Variants in AANAT observed in about 807,000 individuals in gnomAD.
The protein encoded by AANAT is serotonin N-acetyltransferase.
AANAT carries 11 observed loss-of-function variants against 15.6 expected under a neutral mutation model. That is an observed-to-expected ratio of 0.71 (90% CI 0.44 to 1.17). The LOEUF is 1.17. Among genes scored for constraint, AANAT ranks in the 50% most tolerant of loss-of-function variants. The probability of loss-of-function intolerance (pLI) is 0.00; values close to 1 mark genes in which losing one functional copy is unlikely to be tolerated. For missense variants in AANAT, 286 were observed against 296.3 expected, an observed-to-expected ratio of 0.97 and a Z score of 0.26; for synonymous variants, 139 against 131.5, an observed-to-expected ratio of 1.06 and a Z score of -0.39.
In AANAT at chr17:76,468,780, G is replaced by A; in HGVS notation, c.34G>A (p.Glu12Lys). 1 of 1,613,348 alleles carries A rather than the reference G, an allele frequency of 6.2e-7. No individual in the cohort carries two copies. Among genetic ancestry groups the A allele is most frequent in the Non-Finnish European group, 8.5e-7 (1 of 1,179,860 alleles). ...GCAGAGCACCCACCCCCTGAAACCT[G>A]AGGCCCCACGTCTGCCACCTGGGAT... The part of the protein sequence containing the change: ...STQSTHPLKP[E>K]APRLPPGIPE... The change falls in exon 2 of 4, where the codon GAG becomes AAG. Residue 12 changes from glutamate to lysine, a missense_variant. Coordinates refer to ENST00000392492, the MANE Select transcript of AANAT (RefSeq NM_001088.3).
chr17:76,466,151 G>T, upstream of AANAT: 1 of 1,535,874 alleles, frequency 6.5e-7, no homozygotes, highest in South Asian at 1.2e-5. Context: ...TGACTGATTA[G>T]GATTGGCCAC....
exon 3 of AANAT, chr17:76,462,380 C>G (rs534317001): frequency 6.6e-6 from 1 of 152,338 alleles, no homozygotes; most frequent in South Asian, 2.1e-4. Flanking sequence ...AGGGCTCTTA[C>G]CCGCAGTGGG....
upstream of AANAT, among the ~76,000 whole-genome samples, chr17:76,467,022 G>A (rs935986064): frequency 6.6e-6 from 1 of 152,084 alleles, no homozygotes; most frequent in Admixed American, 6.5e-5. Context: ...TGCAGGATGG[G>A]GTGTGAGCTG....
At chr17:76,460,500 A>C (rs1193605984) in intron 2 of AANAT, among the ~76,000 whole-genome samples, 1 of 151,670 alleles carries the variant, frequency 6.6e-6, no homozygotes, top group African/African-American at 2.4e-5. Context: ...AGGTCTCACT[A>C]TATTGGCCGG....
At chr17:76,459,074 A>G (rs1598635878) in intron 1 of AANAT, among the ~76,000 whole-genome samples, 1 of 152,356 alleles carries the variant, frequency 6.6e-6, no homozygotes, top group East Asian at 1.9e-4. Context: ...ACTCTGCAGT[A>G]CAGTCAGGAT....
chr17:76,468,940 G>C, intron 2 of AANAT, 31 bp downstream of exon 2: 1 of 1,597,094 alleles, frequency 6.3e-7, no homozygotes, highest in Non-Finnish European at 8.6e-7. Flanking sequence ...TCAGAGGGAT[G>C]CTCCACTCTG....
At chr17:76,458,785 T>C (rs2073361451) in intron 1 of AANAT, among the ~76,000 whole-genome samples, 1 of 152,188 alleles carries the variant, frequency 6.6e-6, no homozygotes, top group African/African-American at 2.4e-5. Flanking sequence ...GTGCAAGCGA[T>C]TTCAGCCTGG....
exon 1 of AANAT, chr17:76,453,460 T>G (rs1598633049): frequency 9.6e-5 from 20 of 208,808 alleles, no homozygotes; most frequent in Middle Eastern, 1.5e-3. Context: ...AAGAGGGGAG[T>G]GGTCGGGGTG....
chr17:76,467,463 G>C (rs2143976853), upstream of AANAT: 1 of 855,112 alleles, frequency 1.2e-6, no homozygotes, highest in East Asian at 1.2e-4. Context: ...TCTGTGCCCA[G>C]GGCACCAGAG....
Position 76,469,057 on chromosome 17 carries a change from C to T in AANAT, c.164-116C>T. 6.6e-7 allele frequency: 1 copy of T among 1,519,222 alleles called. No homozygotes were observed. The highest frequency in any genetic ancestry group is 1.2e-5 in the South Asian group (1 of 81,728). 94.1% of individuals were successfully genotyped at this position (1,519,222 alleles called of 1,614,324 possible). On this transcript the variant is annotated intron_variant, in intron 2 of 3. Coordinates refer to ENST00000392492, the MANE Select transcript of AANAT (RefSeq NM_001088.3). The surrounding 1 kb of genome is among the most constrained non-coding windows in gnomAD (Gnocchi z 5.2). ...TCAAGAAAGTGGGGGAAACAGCAGCCCTAACCCCCATTTTCCTGTGGGGAA... is the reference window on the plus strand; with the variant it reads ...TCAAGAAAGTGGGGGAAACAGCAGCTCTAACCCCCATTTTCCTGTGGGGAA...
At chr17:76,460,505 G>A (rs2073378712) in intron 2 of AANAT, among the ~76,000 whole-genome samples, 1 of 151,674 alleles carries the variant, frequency 6.6e-6, no homozygotes, top group African/African-American at 2.4e-5. Context: ...TCACTATATT[G>A]GCCGGACTGG....
intron 1 of AANAT, among the ~76,000 whole-genome samples, chr17:76,455,140 T>A (rs1392067627): frequency 6.6e-6 from 1 of 151,056 alleles, no homozygotes; most frequent in African/African-American, 2.4e-5. Context: ...AAAAAGTAAC[T>A]CTAGGCCGGG....
At chr17:76,454,089 C>T (rs780511654) in intron 1 of AANAT, among the ~76,000 whole-genome samples, 1 of 152,208 alleles carries the variant, frequency 6.6e-6, no homozygotes, top group Non-Finnish European at 1.5e-5. Context: ...CTTCGATAAG[C>T]TTAACCATTG....
At chr17:76,467,573 A>G (rs2073452541), upstream of AANAT, 1 of 985,262 alleles carries the variant, frequency 1.0e-6, no homozygotes, top group African/African-American at 1.7e-5. Context: ...GGGGATTACA[A>G]ACCTCTAACA....
chr17:76,468,854 GTTT>G lies in AANAT; in HGVS notation c.109_111del (p.Phe37del). ...GGCGCCACACACTCCCTGCCAGTGA[GTTT>G]CGCTGCCTCACCCCGGAGGACGCTG... On this transcript the variant is annotated inframe_deletion, in exon 2 of 4. Transcript: ENST00000392492. 6.2e-7 allele frequency: 1 copy of G among 1,613,668 alleles called. No homozygotes were observed. Among genetic ancestry groups the G allele is most frequent in the Non-Finnish European group, 8.5e-7 (1 of 1,180,012 alleles).
At position 76,462,054 on chromosome 17, in the gene AANAT, C is replaced by G. The variant is rs541793556; in HGVS notation, c.-455-262C>G. 2.0e-5 allele frequency among the ~76,000 whole-genome samples: 3 copies of G among 152,290 alleles called. No individual in the cohort carries two copies. The East Asian group carries it at 5.8e-4, about 29-fold the overall frequency. On this transcript the variant is annotated intron_variant, in intron 2 of 6. Coordinates refer to the AANAT transcript ENST00000250615. Reference sequence around the variant, plus strand: ...CTTCCTTAGGAGACATGTACTACCCCCTTCCCAACCCTGAGTATATACTGC... The same window carrying G: ...CTTCCTTAGGAGACATGTACTACCCGCTTCCCAACCCTGAGTATATACTGC...
In AANAT at chr17:76,469,538, C is replaced by T; in HGVS notation, c.319-127C>T. The T allele has an allele frequency of 7.8e-7, 1 of 1,276,360 alleles. No homozygotes were observed. 79.1% of individuals were successfully genotyped at this position (1,276,360 alleles called of 1,614,324 possible). A position where few individuals can be genotyped will look rare whatever the true frequency, so the allele number is the denominator to read the frequency against. On this transcript the variant is annotated intron_variant, in intron 3 of 3. Transcript: ENST00000392492. The surrounding 1 kb of genome is among the most constrained non-coding windows in gnomAD (Gnocchi z 5.2). Reference sequence around the variant, plus strand: ...GTATGGCTCCCAATTTGGGGCCCTCCTTTGCTGGGGTGGGTGCCCTGACCA... The same window carrying T: ...GTATGGCTCCCAATTTGGGGCCCTCTTTTGCTGGGGTGGGTGCCCTGACCA...
At chr17:76,463,309 CT>C (rs60885549), upstream of AANAT, among the ~76,000 whole-genome samples, 1,011 of 111,932 alleles carry the variant, frequency 9.0e-3, 16 homozygotes, top group African/African-American at 0.029. Context: ...GGAAGGATTC[CT>C]TTTTTTTTTT....
upstream of AANAT, among the ~76,000 whole-genome samples, chr17:76,463,593 C>A (rs1017762041): frequency 2.0e-4 from 30 of 152,134 alleles, no homozygotes; most frequent in African/African-American, 6.8e-4. Flanking sequence ...CAGGTGTGAG[C>A]CACCGTGCCC....
Sources: gnomAD v4.1 joint callset for allele counts (sites outside exome capture counted in the v4.1 genomes callset) on GRCh38, gnomAD v4.1.1 for gene constraint, Gnocchi (gnomAD v3.1) non-coding constraint, MANE v1.5 for transcripts, NCBI Gene and HGNC (gene_info 2026-07-23, HGNC 2026-07-21) for gene names.